RARB: variants seen among roughly 807,000 people sequenced by gnomAD.
RARB encodes retinoic acid receptor beta.
In RARB, 17 loss-of-function variants were observed where a neutral mutation model predicts 51.9. That is an observed-to-expected ratio of 0.33 (90% confidence interval 0.22 to 0.49). The LOEUF (loss-of-function observed/expected upper bound fraction) is 0.49, where lower values mean the gene tolerates loss of function less well. Ranked by LOEUF, RARB falls within the 20% of genes least tolerant of loss-of-function variation. The probability of loss-of-function intolerance (pLI) is 0.99; values close to 1 mark genes in which losing one functional copy is unlikely to be tolerated. For synonymous variants in RARB, 215 were observed against 195.4 expected, an observed-to-expected ratio of 1.10 and a Z score of -0.84; for missense variants, 369 against 550.8, an observed-to-expected ratio of 0.67 and a Z score of 3.30.
At chr3:25,394,168 G>A (rs1158608705) in intron 5 of RARB, among the ~76,000 whole-genome samples, 2 of 151,978 alleles carry the variant, frequency 1.3e-5, no homozygotes, top group South Asian at 4.1e-4. Context: ...GTGACCATTC[G>A]GGAGCAGATT....
intron 2 of RARB, among the ~76,000 whole-genome samples, chr3:24,886,406 A>G (rs1459742244): frequency 4.0e-5 from 6 of 151,226 alleles, no homozygotes; most frequent in African/African-American, 1.2e-4. Context: ...AGGAAGTTTC[A>G]TGATGCCCTG....
intron 1 of RARB, among the ~76,000 whole-genome samples, chr3:24,837,869 A>T (rs1168640718): frequency 6.6e-6 from 1 of 152,224 alleles, no homozygotes; most frequent in East Asian, 1.9e-4. Flanking sequence ...TTAGTTTTCT[A>T]TCACTGCCTT....
At chr3:25,246,625 G>T (rs1045480640) in intron 5 of RARB, among the ~76,000 whole-genome samples, 3 of 152,152 alleles carry the variant, frequency 2.0e-5, no homozygotes, top group African/African-American at 4.8e-5. Flanking sequence ...TCCAGATCCT[G>T]TTTGCCTGGG....
At chr3:25,053,152 C>T (rs534865273) in intron 2 of RARB, among the ~76,000 whole-genome samples, 7 of 152,148 alleles carry the variant, frequency 4.6e-5, no homozygotes, top group Non-Finnish European at 8.8e-5. Context: ...ATTGAAGCGA[C>T]GTAATTAACC....
intron 3 of RARB, among the ~76,000 whole-genome samples, chr3:25,086,277 A>G (rs970381271): frequency 6.6e-5 from 10 of 152,144 alleles, no homozygotes; most frequent in African/African-American, 1.7e-4. Context: ...GGAAAGAACA[A>G]TTTTGTTAAG....
chr3:25,082,286 C>A (rs543325914), intron 3 of RARB, among the ~76,000 whole-genome samples: 49 of 151,998 alleles, frequency 3.2e-4, no homozygotes, highest in African/African-American at 1.2e-3. Context: ...TTTATGTATA[C>A]TATTTTGCTA....
chr3:24,851,906 T>C (rs980886566), intron 1 of RARB, among the ~76,000 whole-genome samples: 3 of 152,210 alleles, frequency 2.0e-5, no homozygotes, highest in Non-Finnish European at 4.4e-5. Context: ...AATTTATTGT[T>C]TATTCCTCTT....
chr3:25,433,829 C>G (rs1465162953), intron 1 of RARB, among the ~76,000 whole-genome samples: 1 of 152,164 alleles, frequency 6.6e-6, no homozygotes, highest in East Asian at 1.9e-4. Context: ...TGATCTCTGT[C>G]CCATCCCACT....
At chr3:24,952,172 A>G (rs6550927) in intron 2 of RARB, among the ~76,000 whole-genome samples, 138,546 of 152,158 alleles carry the variant, frequency 0.91, 63,350 homozygotes, top group East Asian at 1. Context: ...CCAAGAGTTC[A>G]AGGCCAGTCT....
intron 5 of RARB, among the ~76,000 whole-genome samples, chr3:25,222,154 A>G (rs1701961615): frequency 1.3e-5 from 2 of 152,142 alleles, no homozygotes; most frequent in South Asian, 4.1e-4. Flanking sequence ...ATAAGGTGTT[A>G]CTCCGGAGGC....
intron 4 of RARB, among the ~76,000 whole-genome samples, chr3:25,156,668 A>G (rs1700380201): frequency 6.6e-6 from 1 of 152,074 alleles, no homozygotes; most frequent in Non-Finnish European, 1.5e-5. Flanking sequence ...CGTTCCTACA[A>G]CACATTAAAA....
chr3:25,293,180 G>A (rs1386251625), intron 5 of RARB, among the ~76,000 whole-genome samples: 4 of 152,118 alleles, frequency 2.6e-5, no homozygotes, highest in Middle Eastern at 3.4e-3. Context: ...GATACGTTAC[G>A]GAGAAGCAGT....
chr3:25,401,851 A>C (rs1707271794), intron 5 of RARB, among the ~76,000 whole-genome samples: 1 of 152,156 alleles, frequency 6.6e-6, no homozygotes, highest in African/African-American at 2.4e-5. Context: ...ATCTAGGTTC[A>C]CTACAACCTC....
intron 2 of RARB, among the ~76,000 whole-genome samples, chr3:25,005,385 C>T (rs1697248505): frequency 6.6e-6 from 1 of 152,158 alleles, no homozygotes. Context: ...AAGTCACAGA[C>T]AAGCTGTCAG....
At chr3:25,407,993 T>G (rs1405420002) in intron 5 of RARB, among the ~76,000 whole-genome samples, 1 of 152,144 alleles carries the variant, frequency 6.6e-6, no homozygotes, top group East Asian at 1.9e-4. Flanking sequence ...AACACATCTT[T>G]TATTGCCCCC....
chr3:24,896,903 T>C (rs1703490879), intron 2 of RARB, among the ~76,000 whole-genome samples: 1 of 152,158 alleles, frequency 6.6e-6, no homozygotes, highest in Non-Finnish European at 1.5e-5. Context: ...AATGGACACA[T>C]TAAACTTGCC....
At chr3:24,900,690 A>G (rs927173461) in intron 2 of RARB, among the ~76,000 whole-genome samples, 1 of 152,196 alleles carries the variant, frequency 6.6e-6, no homozygotes, top group Non-Finnish European at 1.5e-5. Flanking sequence ...TTTTCTAAAG[A>G]TGGGATGAGA....
At position 25,227,221 on chromosome 3, in the gene RARB, A is replaced by T. The variant is rs1193771301; in HGVS notation, c.178+52646A>T. On this transcript the variant is annotated intron_variant, in intron 5 of 11. Transcript: ENST00000383772. ...AATGAAAAGCTTCAAATAAATTAAT[A>T]AAAGTCTGAATATTTGAGTTAGGAA... Among the ~76,000 whole-genome samples the T allele has an allele frequency of 2.6e-5, 4 of 152,232 alleles. No individual in the cohort carries two copies. The East Asian group carries it at 7.7e-4, about 29-fold the overall frequency.
chr3:25,351,861 C>G (rs949910502), intron 5 of RARB, among the ~76,000 whole-genome samples: 8 of 152,134 alleles, frequency 5.3e-5, no homozygotes, highest in Non-Finnish European at 8.8e-5. Context: ...TCCCCAAGAG[C>G]TCTAATGTGA....
Sources: gnomAD v4.1 joint callset for allele counts (sites outside exome capture counted in the v4.1 genomes callset) on GRCh38, gnomAD v4.1.1 for gene constraint, MANE v1.5 for transcripts, NCBI Gene and HGNC (gene_info 2026-07-23, HGNC 2026-07-21) for gene names.